PDE11A: variants seen among roughly 807,000 people sequenced by gnomAD.
The protein encoded by PDE11A is dual 3',5'-cyclic-AMP and -GMP phosphodiesterase 11A.
Under a neutral mutation model 100.5 loss-of-function variants are expected in PDE11A, and 100 were observed. The ratio of observed to expected loss-of-function variants is 1.00; its 90% CI spans 0.85 to 1.18. PDE11A has a LOEUF of 1.18. Ranked by LOEUF, PDE11A falls within the 50% of genes most tolerant of loss-of-function variation. The pLI is 0.00. For missense variants in PDE11A, 1,141 were observed against 1,152.6 expected (o/e 0.99, Z 0.15); for synonymous variants, 381 against 420.8 (o/e 0.91, Z 1.16).
chr2:178,081,798 T>A (rs182967331), intron 2 of PDE11A, among the ~76,000 whole-genome samples: 25 of 152,368 alleles, frequency 1.6e-4, no homozygotes, highest in African/African-American at 2.6e-4. Context: ...GTAATTTTTT[T>A]AAAAATTATT....
chr2:177,896,658 A>G (rs2084616784), intron 4 of PDE11A, among the ~76,000 whole-genome samples: 1 of 152,208 alleles, frequency 6.6e-6, no homozygotes. Context: ...GGGGCTTTAG[A>G]GTCAGGCAGT....
At chr2:177,771,207 A>G (rs2082306765) in intron 9 of PDE11A, among the ~76,000 whole-genome samples, 1 of 152,260 alleles carries the variant, frequency 6.6e-6, no homozygotes, top group African/African-American at 2.4e-5. Context: ...AACCTTAGAG[A>G]ATCACAGTGC....
intron 19 of PDE11A, among the ~76,000 whole-genome samples, chr2:177,630,733 C>G (rs1949965): frequency 0.027 from 4,078 of 152,060 alleles, 98 homozygotes; most frequent in South Asian, 0.072. Flanking sequence ...ACATATTCAA[C>G]CAGTAAAATA....
chr2:177,903,408 T>TA (rs1375747605), intron 3 of PDE11A, among the ~76,000 whole-genome samples: 9 of 152,206 alleles, frequency 5.9e-5, no homozygotes, highest in Admixed American at 5.9e-4. Context: ...CTATGCAATT[T>TA]AAAAAAATTG....
intron 6 of PDE11A, among the ~76,000 whole-genome samples, chr2:177,838,896 A>G (rs1053621332): frequency 3.9e-5 from 6 of 152,222 alleles, no homozygotes; most frequent in African/African-American, 1.4e-4. Flanking sequence ...AATTTAGTGT[A>G]TAAAAACTGA....
intron 10 of PDE11A, among the ~76,000 whole-genome samples, chr2:177,739,708 A>G (rs1188111248): frequency 6.6e-6 from 1 of 152,208 alleles, no homozygotes; most frequent in African/African-American, 2.4e-5. Context: ...TTAAAGAAAA[A>G]CAGACTCTAG....
chr2:177,873,078 G>A (rs2084167281), intron 5 of PDE11A, among the ~76,000 whole-genome samples: 1 of 152,146 alleles, frequency 6.6e-6, no homozygotes, highest in African/African-American at 2.4e-5. Context: ...AGTTTGCCAA[G>A]AGCAGTCTAG....
chr2:178,056,234 T>A (rs759510458), intron 1 of PDE11A, among the ~76,000 whole-genome samples: 25 of 152,086 alleles, frequency 1.6e-4, no homozygotes, highest in Non-Finnish European at 3.4e-4. Flanking sequence ...TTCAGGAAGA[T>A]GGAAAATATT....
intron 12 of PDE11A, among the ~76,000 whole-genome samples, chr2:177,723,455 C>A (rs1405052850): frequency 2.6e-5 from 4 of 152,130 alleles, no homozygotes; most frequent in African/African-American, 9.7e-5. Flanking sequence ...CCTGCACCAC[C>A]ATAAATTTTA....
chr2:178,062,336 GAA>G (rs11333080), intron 1 of PDE11A, among the ~76,000 whole-genome samples: 15 of 101,666 alleles, frequency 1.5e-4, no homozygotes, highest in South Asian at 3.2e-4. Flanking sequence ...CCTGAAGACA[GAA>G]AAAAAAAAAA....
chr2:177,634,835 G>T (rs555397369), intron 19 of PDE11A, among the ~76,000 whole-genome samples: 13 of 152,214 alleles, frequency 8.5e-5, no homozygotes, highest in Admixed American at 2.6e-4. Flanking sequence ...ATCAGCAAGA[G>T]AATTGCTTCT....
intron 19 of PDE11A, among the ~76,000 whole-genome samples, chr2:177,634,438 G>A (rs1184296321): frequency 1.3e-5 from 2 of 149,730 alleles, no homozygotes; most frequent in African/African-American, 5.0e-5. Flanking sequence ...GCCCAGGCTG[G>A]AGTGCAGTGG....
At chr2:177,997,226 G>T in intron 2 of PDE11A, 1 of 1,309,440 alleles carries the variant, frequency 7.6e-7, no homozygotes, top group Non-Finnish European at 1.1e-6. Flanking sequence ...CGATTTCTTC[G>T]TGTGCCCCAA....
At chr2:177,798,009 C>T (rs77368725) in intron 9 of PDE11A, among the ~76,000 whole-genome samples, 3 of 152,120 alleles carry the variant, frequency 2.0e-5, no homozygotes, top group Non-Finnish European at 2.9e-5. Flanking sequence ...GATCTGACCC[C>T]GGGTAGCTCT....
chr2:178,030,349 T>C lies in PDE11A; in HGVS notation c.913-15889A>G, dbSNP rs1227284527. On this transcript the variant is annotated intron_variant, in intron 1 of 19. Transcript: ENST00000286063. ...AAATCTTTCAAAAAACTAGAGAACA[T>C]AAAGAGTCCTATAAGCTTTAAATAA... 2.6e-5 allele frequency among the ~76,000 whole-genome samples: 4 copies of C among 152,202 alleles called. No homozygotes were observed. The East Asian group carries it at 7.7e-4, about 29-fold the overall frequency.
At chr2:178,056,870 A>T (rs1307846709) in intron 1 of PDE11A, among the ~76,000 whole-genome samples, 1 of 152,084 alleles carries the variant, frequency 6.6e-6, no homozygotes, top group Non-Finnish European at 1.5e-5. Flanking sequence ...AAAGAGAATG[A>T]GGAGAAAAAG....
At chr2:177,916,846 G>A (rs557818026) in intron 2 of PDE11A, among the ~76,000 whole-genome samples, 7 of 151,372 alleles carry the variant, frequency 4.6e-5, no homozygotes, top group African/African-American at 9.7e-5. Context: ...TGCAAGCTCC[G>A]CCTCCCGGGT....
intron 2 of PDE11A, among the ~76,000 whole-genome samples, chr2:178,090,946 A>G (rs2087415259): frequency 6.6e-6 from 1 of 152,256 alleles, no homozygotes; most frequent in Non-Finnish European, 1.5e-5. Context: ...AGATGCATTA[A>G]GAGTAAGCCT....
At chr2:178,075,256 CA>C (rs1431789295), upstream of PDE11A, among the ~76,000 whole-genome samples, 1 of 152,032 alleles carries the variant, frequency 6.6e-6, no homozygotes, top group Non-Finnish European at 1.5e-5. Flanking sequence ...GACAGCCCAT[CA>C]AAAGGCATCA....
Sources: allele counts gnomAD v4.1 joint callset (sites outside exome capture counted in the v4.1 genomes callset), GRCh38; gene constraint gnomAD v4.1.1; transcripts MANE v1.5; gene names NCBI Gene and HGNC (gene_info 2026-07-23, HGNC 2026-07-21).